Variants in RASGRP1 observed in about 807,000 individuals in gnomAD.
RASGRP1 encodes the protein RAS guanyl releasing protein 1.
Under a neutral mutation model 95.1 loss-of-function variants are expected in RASGRP1, and 37 were observed. The ratio of observed to expected loss-of-function variants is 0.39; its 90% CI spans 0.30 to 0.51. RASGRP1 has a LOEUF of 0.51. RASGRP1 is among the 20% of genes least tolerant of loss of function. The probability of loss-of-function intolerance (pLI) is 0.80; values close to 1 mark genes in which losing one functional copy is unlikely to be tolerated. For synonymous variants in RASGRP1, 325 were observed against 353.4 expected (o/e 0.92, Z 0.90); for missense variants, 711 against 965.4 (o/e 0.74, Z 3.49).
chr15:38,531,394 T>C (rs1244338483), intron 2 of RASGRP1, among the ~76,000 whole-genome samples: 1 of 152,224 alleles, frequency 6.6e-6, no homozygotes, highest in South Asian at 2.1e-4. Context: ...CCAGTCCTTA[T>C]GGCTACAAGT....
chr15:38,526,199 G>T (rs1892213526), intron 3 of RASGRP1, 100 bp downstream of exon 3: 3 of 930,608 alleles, frequency 3.2e-6, no homozygotes, highest in Non-Finnish European at 5.2e-6. Flanking sequence ...GCCACTCAGG[G>T]TTATTCCAAA....
chr15:38,500,339 G>GTT (rs147822101), intron 13 of RASGRP1, among the ~76,000 whole-genome samples, 200 bp from the exon 14 acceptor site: 61 of 148,836 alleles, frequency 4.1e-4, no homozygotes, highest in South Asian at 2.8e-3. Flanking sequence ...CAAGAAGCAG[G>GTT]TTTTTTTTGT....
At position 38,490,962 on chromosome 15, in the gene RASGRP1, C is replaced by T. The variant is rs188455192; in HGVS notation, c.2260-274G>A. Reference sequence around the variant, plus strand: ...TTTCCGAGCAATAGGTAGATAATGACAAAACTTTTGGATGTTTTCTCGCGG... The same window carrying T: ...TTTCCGAGCAATAGGTAGATAATGATAAAACTTTTGGATGTTTTCTCGCGG... On this transcript the variant is annotated intron_variant, in intron 16 of 16. Coordinates refer to ENST00000310803, the MANE Select transcript of RASGRP1 (RefSeq NM_005739.4). 2.9e-3 allele frequency among the ~76,000 whole-genome samples: 434 copies of T among 152,214 alleles called. 4 individuals are homozygous for T. Among genetic ancestry groups the T allele is most frequent in the African/African-American group, 9.7e-3 (403 of 41,546 alleles).
At chr15:38,554,804 G>A (rs570105605) in intron 2 of RASGRP1, among the ~76,000 whole-genome samples, 3 of 152,322 alleles carry the variant, frequency 2.0e-5, no homozygotes, top group Admixed American at 6.5e-5. Context: ...TCCTTTACAC[G>A]TGAAATCTTG....
In RASGRP1 at chr15:38,564,804, T is replaced by G; in HGVS notation, c.-176A>C. The stretch of plus-strand genomic sequence containing the variant: ...CGAGGTGCACCGCAGGCACAAACTT[T>G]GTGCGAGCGCGCCCCCTCTGCCTCG... On this transcript the variant is annotated 5_prime_UTR_variant, in exon 1 of 17. Transcript: ENST00000310803. 2.7e-6 allele frequency: 1 copy of G among 366,858 alleles called. No homozygotes were observed. The highest frequency in any genetic ancestry group is 1.3e-4 in the South Asian group (1 of 7,980). The allele number at this position is 366,858 out of a possible 1,614,324, so 22.7% of individuals were successfully genotyped here.
At chr15:38,504,022 G>A (rs1283479433) in intron 10 of RASGRP1, 1 of 152,194 alleles carries the variant, frequency 6.6e-6, no homozygotes, top group Non-Finnish European at 1.5e-5. Context: ...AGTACTGTAG[G>A]CAATTGTAAT....
At chr15:38,537,755 A>G (rs990205986) in intron 2 of RASGRP1, among the ~76,000 whole-genome samples, 8 of 152,164 alleles carry the variant, frequency 5.3e-5, no homozygotes, top group African/African-American at 1.9e-4. Flanking sequence ...TCCCAACTAT[A>G]TTAGTAGCCT....
intron 5 of RASGRP1, among the ~76,000 whole-genome samples, chr15:38,517,304 C>T (rs62003614): frequency 0.011 from 1,702 of 152,246 alleles, 20 homozygotes; most frequent in Non-Finnish European, 0.019. Context: ...CTAGGAAATA[C>T]TGGGACAAGG....
chr15:38,492,920 G>T (rs535214675), intron 16 of RASGRP1, among the ~76,000 whole-genome samples: 1 of 148,032 alleles, frequency 6.8e-6, no homozygotes, highest in South Asian at 2.2e-4. Context: ...TCACTCAGTC[G>T]CCCAGGCTGG....
At chr15:38,555,073 A>C (rs921232588) in intron 2 of RASGRP1, among the ~76,000 whole-genome samples, 1 of 152,220 alleles carries the variant, frequency 6.6e-6, no homozygotes, top group Non-Finnish European at 1.5e-5. Flanking sequence ...GAGTGGTAAG[A>C]AATACCTAAT....
chr15:38,532,253 C>T (rs140430510), intron 2 of RASGRP1, among the ~76,000 whole-genome samples: 2 of 152,136 alleles, frequency 1.3e-5, no homozygotes, highest in African/African-American at 2.4e-5. Flanking sequence ...ATAAAATGTG[C>T]GTATTTTTTC....
At chr15:38,508,252 C>T (rs533811755) in intron 8 of RASGRP1, among the ~76,000 whole-genome samples, 7 of 152,174 alleles carry the variant, frequency 4.6e-5, no homozygotes, top group Non-Finnish European at 8.8e-5. Flanking sequence ...CATTATAAAT[C>T]GGGGTTTTAT....
At chr15:38,543,152 T>C (rs1892971231) in intron 2 of RASGRP1, among the ~76,000 whole-genome samples, 1 of 152,078 alleles carries the variant, frequency 6.6e-6, no homozygotes, top group Non-Finnish European at 1.5e-5. Flanking sequence ...GACTTATCGT[T>C]TTAACTTTAC....
chr15:38,564,064 G>T (rs567563149), intron 1 of RASGRP1, among the ~76,000 whole-genome samples: 1 of 152,332 alleles, frequency 6.6e-6, no homozygotes, highest in Admixed American at 6.5e-5. Context: ...TTCCCATACG[G>T]AAGGCGATAT....
At chr15:38,544,528 G>A (rs538743244) in intron 2 of RASGRP1, among the ~76,000 whole-genome samples, 3 of 152,326 alleles carry the variant, frequency 2.0e-5, no homozygotes, top group East Asian at 3.9e-4. Flanking sequence ...CATATCTTGG[G>A]AAAGGGTTAG....
intron 1 of RASGRP1, among the ~76,000 whole-genome samples, chr15:38,562,379 C>T (rs776417499): frequency 7.9e-5 from 12 of 152,206 alleles, no homozygotes; most frequent in Admixed American, 1.3e-4. Context: ...AGAAGAGCAA[C>T]GTGCCTGGCC....
Position 38,525,690 on chromosome 15 carries a change from C to T in RASGRP1, c.326+609G>A, listed in dbSNP as rs146143899. Among the ~76,000 whole-genome samples, 163 of 152,318 alleles carry T rather than the reference C, an allele frequency of 1.1e-3. 1 individual carries two copies. Among genetic ancestry groups the T allele is most frequent in the Middle Eastern group, 3.4e-3 (1 of 294 alleles). On this transcript the variant is annotated intron_variant, in intron 3 of 16. Transcript: ENST00000310803. ...GCCTTGGGTGCTAAACGGTCTCACT[C>T]CGCCTACAACTCTTCTTTTGTGGGG...
chr15:38,519,620 C>A (rs371457717), intron 3 of RASGRP1, among the ~76,000 whole-genome samples: 30 of 152,248 alleles, frequency 2.0e-4, no homozygotes, highest in Non-Finnish European at 3.8e-4. Context: ...CGGAAGGAAG[C>A]AGCAGCACTG....
chr15:38,490,834 A>T, intron 16 of RASGRP1, 146 bp from the exon 17 acceptor site: 1 of 831,164 alleles, frequency 1.2e-6, no homozygotes, highest in East Asian at 2.7e-5. Flanking sequence ...TTTTGCCCTG[A>T]ATAGAAAATA....
Sources: allele counts gnomAD v4.1 joint callset (sites outside exome capture counted in the v4.1 genomes callset), GRCh38; gene constraint gnomAD v4.1.1; transcripts MANE v1.5; gene names NCBI Gene and HGNC (gene_info 2026-07-23, HGNC 2026-07-21).